SLC25A23: variants seen among roughly 807,000 people sequenced by gnomAD.
The protein encoded by SLC25A23 is mitochondrial adenyl nucleotide antiporter SLC25A23.
Under a neutral mutation model 53.9 loss-of-function variants are expected in SLC25A23, and 32 were observed. That is an observed-to-expected ratio of 0.59 (90% CI 0.45 to 0.80). The LOEUF (loss-of-function observed/expected upper bound fraction) is 0.80. SLC25A23 is among the 30% of genes least tolerant of loss of function. The probability of loss-of-function intolerance (pLI) is 0.00; values close to 1 mark genes in which losing one functional copy is unlikely to be tolerated. For synonymous variants in SLC25A23, 275 were observed against 264.5 expected (o/e 1.04, Z -0.38); for missense variants, 575 against 651.4 (o/e 0.88, Z 1.28).
At chr19:6,450,019 G>A (rs1192785259) in intron 8 of SLC25A23, among the ~76,000 whole-genome samples, 1 of 151,306 alleles carries the variant, frequency 6.6e-6, no homozygotes, top group African/African-American at 2.4e-5. Flanking sequence ...CACCACGCTC[G>A]GCTAATTTTT....
At chr19:6,449,271 G>C (rs1344402043) in intron 8 of SLC25A23, among the ~76,000 whole-genome samples, 1 of 102,842 alleles carries the variant, frequency 9.7e-6, no homozygotes, top group East Asian at 2.8e-4. Flanking sequence ...TTTTTTTTTT[G>C]AGACAGGATC....
Position 6,459,748 on chromosome 19 carries a change from C to G in SLC25A23, c.-120G>C. On this transcript the variant is annotated 5_prime_UTR_variant, in exon 1 of 10. Transcript: ENST00000301454. The surrounding 1 kb of genome is among the most constrained non-coding windows in gnomAD (Gnocchi z 4.6). ...CTCCCGCGGCCGCCGGCTCCGCAGC[C>G]TCCGCGCAGTCCGCTCGGCTCTGGC... The G allele has an allele frequency of 1.2e-6, 1 of 837,798 alleles. No individual in the cohort carries two copies. Among genetic ancestry groups the G allele is most frequent in the Non-Finnish European group, 1.6e-6 (1 of 640,542 alleles). The allele number at this position is 837,798 out of a possible 1,614,324, so 51.9% of individuals were successfully genotyped here.
At chr19:6,436,912 A>C (rs144156872), downstream of SLC25A23, among the ~76,000 whole-genome samples, 1,816 of 152,052 alleles carry the variant, frequency 0.012, 43 homozygotes, top group African/African-American at 0.041. Context: ...GCAATGGACC[A>C]ATCTTGGCTC....
chr19:6,453,135 T>C (rs2092617768), intron 7 of SLC25A23, among the ~76,000 whole-genome samples: 1 of 151,746 alleles, frequency 6.6e-6, no homozygotes, highest in Admixed American at 6.6e-5. Flanking sequence ...GTCCATGAGG[T>C]TGTGTAACAA....
In SLC25A23 at chr19:6,443,378, C is replaced by T. The variant is rs114953528; in HGVS notation, c.1222+773G>A. Among the ~76,000 whole-genome samples the T allele has an allele frequency of 3.4e-3, 523 of 152,232 alleles. 5 individuals are homozygous for T. The highest frequency in any genetic ancestry group is 0.011 in the African/African-American group (476 of 41,538). Reference sequence around the variant, plus strand: ...TTTGGACTACAGGCACCTGCCACCACGCCTGGCTAATTTATTTCTTCATTT... The same window carrying T: ...TTTGGACTACAGGCACCTGCCACCATGCCTGGCTAATTTATTTCTTCATTT... On this transcript the variant is annotated intron_variant, in intron 9 of 9. Coordinates refer to ENST00000301454, the MANE Select transcript of SLC25A23 (RefSeq NM_024103.3).
Position 6,458,258 on chromosome 19 carries a change from G to T in SLC25A23, c.223C>A (p.Leu75Met), listed in dbSNP as rs777170663. The T allele has an allele frequency of 6.2e-7, 1 of 1,613,654 alleles. No individual in the cohort carries two copies. Among genetic ancestry groups the T allele is most frequent in the South Asian group, 1.1e-5 (1 of 91,084 alleles). ...AGCAGACGCTGTTCCCGCTCCTGCA[G>T]ATAGCGGGAAAATTCCTCCAGGTCG... The part of the protein sequence containing the change: ...GLDLEEFSRY[L>M]QEREQRLLLM... Residue 75 changes from leucine to methionine, a missense_variant, in exon 2 of 10, where the codon CTG becomes ATG. By Grantham distance (15) the Leu-to-Met change is conservative (BLOSUM62 2). Coordinates refer to ENST00000301454, the MANE Select transcript of SLC25A23 (RefSeq NM_024103.3).
intron 2 of SLC25A23, 50 bp downstream of exon 2, chr19:6,458,147 GC>G: frequency 1.3e-6 from 2 of 1,598,066 alleles, no homozygotes. Flanking sequence ...TGTCTCTAGG[GC>G]CCCCACAGCC....
At chr19:6,436,219 C>T (rs572545439), downstream of SLC25A23, 11 of 282,176 alleles carry the variant, frequency 3.9e-5, no homozygotes, top group Admixed American at 4.0e-4. Context: ...GCCGCTGAGC[C>T]GGCTGTTCCC....
intron 8 of SLC25A23, among the ~76,000 whole-genome samples, chr19:6,447,463 C>T (rs7253557): frequency 0.042 from 6,314 of 152,050 alleles, 394 homozygotes; most frequent in African/African-American, 0.15. Context: ...CCACCACACC[C>T]GGCTAATTAT....
chr19:6,458,467 A>G, intron 1 of SLC25A23, 143 bp from the exon 2 acceptor site: 1 of 915,614 alleles, frequency 1.1e-6, no homozygotes, highest in South Asian at 1.8e-5. Context: ...CTTCTCCCTC[A>G]GTCAGCTAAC....
At position 6,444,138 on chromosome 19, in the gene SLC25A23, GC is replaced by G; in HGVS notation, c.1222+12del. ...GAGACTCCCCCTGCCCCATCCTCCC[GC>G]CCAGGCCTCACCTTGTGCCTGCATG... is the stretch of plus-strand genomic sequence containing the variant. On this transcript the variant is annotated intron_variant, in intron 9 of 9. Transcript: ENST00000301454. 9 of 1,554,874 alleles carry G rather than the reference GC, an allele frequency of 5.8e-6. No individual in the cohort carries two copies. The highest frequency in any genetic ancestry group is 7.9e-6 in the Non-Finnish European group (9 of 1,145,360).
chr19:6,459,598 G>C lies in SLC25A23; in HGVS notation c.31C>G (p.Arg11Gly). Residue 11 changes from arginine (R) to glycine (G), a missense_variant, in exon 1 of 10, where the codon CGG (arginine) becomes GGG (glycine). Transcript: ENST00000301454. This position sits in a 1 kb window ranked among gnomAD's most constrained non-coding sequence, Gnocchi z 4.6. MRGSPGDAERRQRWGRLFEEL... is the reference protein window; with the variant it reads MRGSPGDAERGQRWGRLFEEL... ...TCGAACAGGCGACCCCAGCGCTGCCGCCGCTCCGCGTCGCCCGGGCTCCCC... is the reference window on the plus strand; with the variant it reads ...TCGAACAGGCGACCCCAGCGCTGCCCCCGCTCCGCGTCGCCCGGGCTCCCC... 1.3e-6 allele frequency: 2 copies of C among 1,534,140 alleles called. No homozygotes were observed. The highest frequency in any genetic ancestry group is 1.7e-6 in the Non-Finnish European group (2 of 1,146,972).
At chr19:6,458,699 C>T (rs111644585) in intron 1 of SLC25A23, among the ~76,000 whole-genome samples, 1 of 152,050 alleles carries the variant, frequency 6.6e-6, no homozygotes, top group East Asian at 1.9e-4. Context: ...CCTGTTGAAC[C>T]CAGCTGCCTC....
intron 9 of SLC25A23, 54 bp downstream of exon 9, chr19:6,444,097 C>G: frequency 6.8e-7 from 1 of 1,467,472 alleles, no homozygotes; most frequent in Non-Finnish European, 9.1e-7. Context: ...TTGGGAGAAG[C>G]TGGGGCCCAA....
At chr19:6,449,857 CT>C (rs142681286) in intron 8 of SLC25A23, among the ~76,000 whole-genome samples, 2,234 of 126,802 alleles carry the variant, frequency 0.018, 35 homozygotes, top group African/African-American at 0.081. Flanking sequence ...ACTCACAACT[CT>C]TTTTTTTTTT....
chr19:6,456,324 C>A, intron 4 of SLC25A23, 96 bp downstream of exon 4: 1 of 1,271,410 alleles, frequency 7.9e-7, no homozygotes, highest in Admixed American at 2.0e-5. Context: ...CTGGAAAGTC[C>A]TGGTCCAGCC....
rs747828994 is a variant in SLC25A23 at position 6,459,640 on chromosome 19, G to A, written c.-12C>T. 92 of 1,399,796 alleles carry A rather than the reference G, an allele frequency of 6.6e-5. No homozygotes were observed. In the East Asian group the frequency reaches 1.3e-3, roughly 20 times the overall value. The allele number at this position is 1,399,796 out of a possible 1,614,324, so 86.7% of individuals were successfully genotyped here. On this transcript the variant is annotated 5_prime_UTR_variant, in exon 1 of 10. Transcript: ENST00000301454. This position sits in a 1 kb window ranked among gnomAD's most constrained non-coding sequence, Gnocchi z 4.6. Reference sequence around the variant, plus strand: ...GGGCTCCCCCGCATGGCGCCCGCCCGGGGGGGAGGGGAGGCCCGGCAGCGG... The same window carrying A: ...GGGCTCCCCCGCATGGCGCCCGCCCAGGGGGGAGGGGAGGCCCGGCAGCGG...
intron 8 of SLC25A23, among the ~76,000 whole-genome samples, chr19:6,451,368 G>A (rs942502250): frequency 2.0e-5 from 3 of 152,072 alleles, no homozygotes; most frequent in African/African-American, 7.3e-5. Flanking sequence ...CAGCCTGGGC[G>A]ACAAGAGCGA....
chr19:6,458,178 G>C lies in SLC25A23; in HGVS notation c.283+20C>G, dbSNP rs1343662610. ...ACAGCCCTATCCCTTGGGGCCTGCA[G>C]GCAGGTCGCCCGACCTTACCATCCT... On this transcript the variant is annotated intron_variant, in intron 2 of 9. Transcript: ENST00000301454. The C allele has an allele frequency of 6.2e-7, 1 of 1,611,908 alleles. No individual in the cohort carries two copies. Among genetic ancestry groups the C allele is most frequent in the Non-Finnish European group, 8.5e-7 (1 of 1,179,586 alleles).
Sources: allele counts gnomAD v4.1 joint callset (sites outside exome capture counted in the v4.1 genomes callset), GRCh38; gene constraint gnomAD v4.1.1; non-coding constraint Gnocchi (gnomAD v3.1); transcripts MANE v1.5; gene names NCBI Gene and HGNC (gene_info 2026-07-23, HGNC 2026-07-21).